Variants in HTR1F observed in about 807,000 individuals in gnomAD.
HTR1F encodes 5-hydroxytryptamine receptor 1F.
In HTR1F, 17 loss-of-function variants were observed where a neutral mutation model predicts 24.0. The observed-to-expected ratio is 0.71, with a 90% confidence interval of 0.48 to 1.06. The LOEUF is 1.06. HTR1F is among the 50% of genes least tolerant of loss of function. The pLI, the probability that HTR1F is intolerant of heterozygous loss-of-function variation, is 0.00. For synonymous variants in HTR1F, 186 were observed against 156.8 expected (o/e 1.19, Z -1.39); for missense variants, 391 against 427.8 (o/e 0.91, Z 0.76).
intron 2 of HTR1F, among the ~76,000 whole-genome samples, chr3:87,908,373 G>C (rs1703709453): frequency 1.3e-5 from 2 of 151,942 alleles, no homozygotes; most frequent in African/African-American, 4.8e-5. Flanking sequence ...TGTGCAGCTA[G>C]CTAGAGTCAG....
chr3:87,960,367 G>C (rs1359400984), intron 2 of HTR1F, among the ~76,000 whole-genome samples: 1 of 151,932 alleles, frequency 6.6e-6, no homozygotes, highest in Non-Finnish European at 1.5e-5. Context: ...GTTTATAAAG[G>C]GAAGAATCAT....
intron 2 of HTR1F, among the ~76,000 whole-genome samples, chr3:87,911,580 A>C (rs961617060): frequency 6.6e-6 from 1 of 152,048 alleles, no homozygotes; most frequent in Non-Finnish European, 1.5e-5. Context: ...AAGGGATATG[A>C]GGCCAGCATT....
chr3:87,925,494 A>G (rs1704104718), intron 2 of HTR1F, among the ~76,000 whole-genome samples: 1 of 152,128 alleles, frequency 6.6e-6, no homozygotes, highest in Non-Finnish European at 1.5e-5. Context: ...AGCTGGGGTC[A>G]TGGTGTTCTG....
intron 2 of HTR1F, among the ~76,000 whole-genome samples, chr3:87,985,653 C>G (rs1705647391): frequency 6.6e-6 from 1 of 152,180 alleles, no homozygotes; most frequent in Non-Finnish European, 1.5e-5. Context: ...TATTGTTATT[C>G]TAATTAAAAC....
intron 2 of HTR1F, among the ~76,000 whole-genome samples, chr3:87,978,794 G>A (rs1325553028): frequency 6.8e-6 from 1 of 146,568 alleles, no homozygotes; most frequent in Non-Finnish European, 1.5e-5. Flanking sequence ...GAAAGAAAGA[G>A]AGAGATGGGA....
chr3:87,902,370 A>C (rs1288266358), intron 2 of HTR1F, among the ~76,000 whole-genome samples: 1 of 152,116 alleles, frequency 6.6e-6, no homozygotes, highest in Non-Finnish European at 1.5e-5. Context: ...TTGGGGAGGA[A>C]TATGAATCTT....
At chr3:87,807,402 T>C (rs1034529392) in intron 1 of HTR1F, among the ~76,000 whole-genome samples, 14 of 152,000 alleles carry the variant, frequency 9.2e-5, no homozygotes, top group African/African-American at 2.9e-4. Context: ...GGGATTGCCT[T>C]CTTGATTTAT....
At chr3:87,935,297 C>T (rs940033530) in intron 2 of HTR1F, among the ~76,000 whole-genome samples, 1 of 152,144 alleles carries the variant, frequency 6.6e-6, no homozygotes, top group South Asian at 2.1e-4. Flanking sequence ...CTCCATACTC[C>T]CATCATTGTC....
At chr3:87,797,773 G>T (rs1338032958) in intron 1 of HTR1F, among the ~76,000 whole-genome samples, 2 of 152,208 alleles carry the variant, frequency 1.3e-5, no homozygotes, top group African/African-American at 4.8e-5. Context: ...AAAAGTAGCT[G>T]GAGTGGGCCA....
intron 2 of HTR1F, among the ~76,000 whole-genome samples, chr3:87,987,860 T>TTA (rs1174331264): frequency 4.8e-5 from 7 of 146,174 alleles, no homozygotes; most frequent in Admixed American, 6.9e-5. Flanking sequence ...TATATGTATT[T>TTA]TATATATATA....
chr3:87,823,098 ATTT>A (rs1704391086), intron 2 of HTR1F, among the ~76,000 whole-genome samples: 1 of 152,228 alleles, frequency 6.6e-6, no homozygotes, highest in African/African-American at 2.4e-5. Flanking sequence ...GGATTTTAAT[ATTT>A]TTAAGAGACA....
rs767013585 is a variant in HTR1F, at chr3:87,856,036, GA to G, written c.-43+33919del. 1.6e-4 allele frequency among the ~76,000 whole-genome samples: 24 copies of G among 151,894 alleles called. 1 individual carries two copies. The East Asian group carries it at 2.9e-3, about 18-fold the overall frequency. On this transcript the variant is annotated intron_variant, in intron 2 of 2. Transcript: ENST00000319595. The stretch of plus-strand genomic sequence containing the variant: ...AAAAAGGTGAAAGTTCTTGATTTAA[GA>G]AAAAAATTATATTTCAAGGTTGCTA...
chr3:87,876,300 C>G (rs2107269051), intron 2 of HTR1F, among the ~76,000 whole-genome samples: 1 of 152,230 alleles, frequency 6.6e-6, no homozygotes, highest in African/African-American at 2.4e-5. Context: ...GAGCTGTTCC[C>G]ACACCTATGA....
At chr3:87,799,169 T>C (rs9813634) in intron 1 of HTR1F, among the ~76,000 whole-genome samples, 1 of 152,100 alleles carries the variant, frequency 6.6e-6, no homozygotes, top group African/African-American at 2.4e-5. Flanking sequence ...TATAAAAAAA[T>C]TTCATCAGCT....
chr3:87,896,244 A>G (rs1000784061), intron 2 of HTR1F, among the ~76,000 whole-genome samples: 1 of 152,160 alleles, frequency 6.6e-6, no homozygotes, highest in Admixed American at 6.5e-5. Flanking sequence ...GCATACACCA[A>G]TAGTCATAGC....
intron 2 of HTR1F, among the ~76,000 whole-genome samples, chr3:87,851,400 A>T (rs1470710946): frequency 6.6e-6 from 1 of 151,564 alleles, no homozygotes; most frequent in African/African-American, 2.4e-5. Flanking sequence ...CTTTCATTCA[A>T]TCTGATAACC....
chr3:87,941,333 A>G (rs1336114258), intron 2 of HTR1F, among the ~76,000 whole-genome samples: 8 of 152,336 alleles, frequency 5.3e-5, no homozygotes, highest in Middle Eastern at 6.8e-3. Flanking sequence ...TGGGATGAGC[A>G]TAAGCCAGTA....
chr3:87,931,489 A>T (rs1361279410), intron 2 of HTR1F, among the ~76,000 whole-genome samples: 3 of 152,194 alleles, frequency 2.0e-5, no homozygotes, highest in African/African-American at 7.2e-5. Flanking sequence ...TGCTATTGTG[A>T]ATAGTGCTGC....
intron 2 of HTR1F, among the ~76,000 whole-genome samples, chr3:87,940,670 G>A (rs1704546381): frequency 6.6e-6 from 1 of 152,274 alleles, no homozygotes; most frequent in East Asian, 1.9e-4. Context: ...ATATAGCCAA[G>A]ACACTCGTAA....
Sources: gnomAD v4.1 joint callset for allele counts (sites outside exome capture counted in the v4.1 genomes callset) on GRCh38, gnomAD v4.1.1 for gene constraint, MANE v1.5 for transcripts, NCBI Gene and HGNC (gene_info 2026-07-23, HGNC 2026-07-21) for gene names.